Variants in SEMA6D observed in about 807,000 individuals in gnomAD.
SEMA6D encodes the protein semaphorin-6D.
SEMA6D carries 35 observed loss-of-function variants against 106.6 expected under a neutral mutation model. The observed-to-expected ratio is 0.33, with a 90% CI of 0.25 to 0.44. The LOEUF is 0.44. Ranked by LOEUF, SEMA6D falls within the 20% of genes least tolerant of loss-of-function variation. The pLI is 1.00. For missense variants in SEMA6D, 1,185 were observed against 1,345.9 expected (o/e 0.88, Z 1.87); for synonymous variants, 499 against 487.7 (o/e 1.02, Z -0.31).
At chr15:47,499,285 C>A (rs2043770023) in intron 3 of SEMA6D, among the ~76,000 whole-genome samples, 1 of 152,114 alleles carries the variant, frequency 6.6e-6, no homozygotes, top group South Asian at 2.1e-4. Flanking sequence ...AATAGTCTTT[C>A]TATCCTGGCT....
chr15:47,245,063 GGT>G (rs2033129425), intron 1 of SEMA6D, among the ~76,000 whole-genome samples: 1 of 150,610 alleles, frequency 6.6e-6, no homozygotes, highest in African/African-American at 2.4e-5. Context: ...GGTATTCCAT[GGT>G]ATATACTTAC....
intron 8 of SEMA6D, among the ~76,000 whole-genome samples, chr15:47,762,651 C>T (rs918105965): frequency 1.3e-5 from 2 of 152,098 alleles, no homozygotes; most frequent in Non-Finnish European, 2.9e-5. Flanking sequence ...CAGAGAGAAT[C>T]GATTAGTCCG....
chr15:47,248,137 A>G (rs2141877476), intron 1 of SEMA6D, among the ~76,000 whole-genome samples: 1 of 152,356 alleles, frequency 6.6e-6, no homozygotes, highest in Non-Finnish European at 1.5e-5. Context: ...GTGGAACCCA[A>G]AAATAGTTGT....
At chr15:47,433,369 A>G (rs1159725905) in intron 2 of SEMA6D, among the ~76,000 whole-genome samples, 1 of 151,986 alleles carries the variant, frequency 6.6e-6, no homozygotes, top group East Asian at 1.9e-4. Flanking sequence ...ATATCCAAGT[A>G]TGCCATTATA....
At chr15:47,615,721 G>A (rs1444650286) in intron 4 of SEMA6D, among the ~76,000 whole-genome samples, 1 of 152,198 alleles carries the variant, frequency 6.6e-6, no homozygotes, top group Non-Finnish European at 1.5e-5. Context: ...AGAGAAAAGT[G>A]TGCCACACAT....
chr15:47,329,466 G>A (rs2037258710), intron 1 of SEMA6D, among the ~76,000 whole-genome samples: 2 of 152,162 alleles, frequency 1.3e-5, no homozygotes, highest in African/African-American at 4.8e-5. Context: ...GGCGTATAAG[G>A]TTCTGGCCTC....
intron 1 of SEMA6D, among the ~76,000 whole-genome samples, chr15:47,259,810 G>A (rs1185375797): frequency 6.6e-6 from 1 of 151,984 alleles, no homozygotes; most frequent in Non-Finnish European, 1.5e-5. Context: ...TTGATGATAT[G>A]AGTGTTGGAT....
At chr15:47,250,134 C>G (rs2033428309) in intron 1 of SEMA6D, among the ~76,000 whole-genome samples, 1 of 152,128 alleles carries the variant, frequency 6.6e-6, no homozygotes, top group African/African-American at 2.4e-5. Context: ...TTTTTACTGG[C>G]AGGTTTTCTA....
intron 2 of SEMA6D, among the ~76,000 whole-genome samples, chr15:47,458,133 A>G (rs925869224): frequency 2.0e-5 from 3 of 152,022 alleles, no homozygotes; most frequent in African/African-American, 7.2e-5. Context: ...AGTAATAAAT[A>G]ACACTGAGAA....
chr15:47,748,430 A>T (rs2081259613), intron 1 of SEMA6D, among the ~76,000 whole-genome samples: 1 of 152,236 alleles, frequency 6.6e-6, no homozygotes, highest in South Asian at 2.1e-4. Context: ...TGATCCTTTG[A>T]GTAGCACAGC....
At chr15:47,394,847 A>G (rs1043691291) in intron 1 of SEMA6D, among the ~76,000 whole-genome samples, 2 of 152,208 alleles carry the variant, frequency 1.3e-5, no homozygotes, top group African/African-American at 4.8e-5. Context: ...GACGATTTAC[A>G]TAATTAAATG....
chr15:47,759,778 C>G lies in SEMA6D; in HGVS notation c.-21C>G, dbSNP rs976626117. 1.3e-6 allele frequency: 2 copies of G among 1,587,984 alleles called. No individual in the cohort carries two copies. Among genetic ancestry groups the G allele is most frequent in the African/African-American group, 1.3e-5 (1 of 74,354 alleles). ...GTGGCATTTCTGAGCAGGGGCCACC[C>G]TGACTTCACCTTGGCCCACCATGAG... On this transcript the variant is annotated 5_prime_UTR_variant, in exon 2 of 19. Transcript: ENST00000536845.
chr15:47,725,419 C>A (rs572894926), intron 1 of SEMA6D, among the ~76,000 whole-genome samples: 21 of 152,256 alleles, frequency 1.4e-4, no homozygotes, highest in African/African-American at 5.1e-4. Context: ...TGACTTGGAA[C>A]GTTTTTAATA....
chr15:47,753,703 G>A (rs1020994099), intron 1 of SEMA6D, among the ~76,000 whole-genome samples: 8 of 152,154 alleles, frequency 5.3e-5, no homozygotes, highest in African/African-American at 7.2e-5. Flanking sequence ...TAAAGCTAGA[G>A]GAAATGACTG....
chr15:47,366,418 A>G (rs1338942509), intron 1 of SEMA6D, among the ~76,000 whole-genome samples: 1 of 152,202 alleles, frequency 6.6e-6, no homozygotes, highest in Non-Finnish European at 1.5e-5. Flanking sequence ...CTGTTCAGTA[A>G]CACATAGTAA....
chr15:47,243,343 A>AT (rs1233009222), intron 1 of SEMA6D, among the ~76,000 whole-genome samples: 1 of 151,802 alleles, frequency 6.6e-6, no homozygotes, highest in Non-Finnish European at 1.5e-5. Context: ...TTACATCATC[A>AT]TTATCTGTGT....
chr15:47,325,558 G>A (rs1595736458), intron 1 of SEMA6D, among the ~76,000 whole-genome samples: 1 of 152,158 alleles, frequency 6.6e-6, no homozygotes, highest in African/African-American at 2.4e-5. Context: ...CCTTTAAAGT[G>A]TATTACCTTC....
intron 4 of SEMA6D, among the ~76,000 whole-genome samples, chr15:47,662,857 GCACACACACACA>G (rs140613951): frequency 3.7e-5 from 5 of 134,162 alleles, no homozygotes; most frequent in African/African-American, 1.4e-4. Context: ...GTGTATGAGC[GCACACACACACA>G]CACACACACA....
At chr15:47,346,354 T>C (rs6493273) in intron 1 of SEMA6D, among the ~76,000 whole-genome samples, 81,013 of 151,960 alleles carry the variant, frequency 0.53, 24,716 homozygotes, top group African/African-American at 0.85. Context: ...GTACCGGAGT[T>C]TTGTCTCCAT....
Sources: allele counts gnomAD v4.1 joint callset (sites outside exome capture counted in the v4.1 genomes callset), GRCh38; gene constraint gnomAD v4.1.1; transcripts MANE v1.5; gene names NCBI Gene and HGNC (gene_info 2026-07-23, HGNC 2026-07-21).